Variants in GPR89A observed in about 807,000 individuals in gnomAD.
The protein encoded by GPR89A is G protein-coupled receptor 89A.
Under a neutral mutation model 52.0 loss-of-function variants are expected in GPR89A, and 16 were observed. The observed-to-expected ratio is 0.31, with a 90% CI of 0.21 to 0.47. GPR89A has a LOEUF of 0.47. Ranked by LOEUF, GPR89A falls within the 20% of genes least tolerant of loss-of-function variation. The pLI, the probability that GPR89A is intolerant of heterozygous loss-of-function variation, is 1.00. For synonymous variants in GPR89A, 55 were observed against 150.9 expected, an observed-to-expected ratio of 0.36 and a Z score of 4.66; for missense variants, 135 against 449.4, an observed-to-expected ratio of 0.30 and a Z score of 6.33.
chr1:145,657,248 CT>C (rs1335487460), intron 10 of GPR89A, among the ~76,000 whole-genome samples: 1 of 148,564 alleles, frequency 6.7e-6, no homozygotes, highest in Non-Finnish European at 1.5e-5. Context: ...TAAAAATTAA[CT>C]GAGTGTGGTG....
At chr1:145,608,281 C>G (rs1375051394) in intron 1 of GPR89A, 106 bp downstream of exon 1, 15 of 1,459,852 alleles carry the variant, frequency 1.0e-5, no homozygotes, top group Middle Eastern at 1.8e-4. Flanking sequence ...TCCTCTCTTA[C>G]GCGTCCTGCG....
intron 10 of GPR89A, among the ~76,000 whole-genome samples, chr1:145,655,912 AC>A (rs1164159109): frequency 1.3e-5 from 2 of 151,710 alleles, no homozygotes; most frequent in Admixed American, 1.3e-4. Flanking sequence ...AACCACGAAG[AC>A]GATAGTCACC....
chr1:145,659,480 C>T (rs587598257), intron 10 of GPR89A, among the ~76,000 whole-genome samples: 278 of 151,850 alleles, frequency 1.8e-3, no homozygotes, highest in Middle Eastern at 0.01. Flanking sequence ...CCACTGCGAC[C>T]GGCCTATGTT....
chr1:145,663,395 A>T lies in GPR89A; in HGVS notation c.976A>T (p.Thr326Ser), dbSNP rs1553695954. 4 of 1,610,488 alleles carry T rather than the reference A, an allele frequency of 2.5e-6. No homozygotes were observed. Among genetic ancestry groups the T allele is most frequent in the Non-Finnish European group, 3.4e-6 (4 of 1,179,060 alleles). ...TCCTGTCACAAGAGGCATTGAGATC[A>T]CTGTGAATTATCTGGGAATCCAATT... ...TDPVTRGIEI[T>S]VNYLGIQFDV... The change falls in exon 11 of 14, where the codon ACT becomes TCT. Residue 326 changes from threonine (T) to serine (S), a missense_variant. This residue lies in a region of GPR89A where 28 missense variants were observed against 61.6 expected (regional missense o/e 0.45). Transcript: ENST00000313835.
rs1156771060 is a variant in GPR89A at position 145,610,937 on chromosome 1, C to T, written c.42+2762C>T. On this transcript the variant is annotated intron_variant, in intron 1 of 13. Coordinates refer to ENST00000313835, the MANE Select transcript of GPR89A (RefSeq NM_001097612.2). ...AACTCATGTTTTGAGCCCTCTATACCGTCATAAGACTTATCAGTTCCAGAG... is the reference window on the plus strand; with the variant it reads ...AACTCATGTTTTGAGCCCTCTATACTGTCATAAGACTTATCAGTTCCAGAG... 7.2e-5 allele frequency among the ~76,000 whole-genome samples: 11 copies of T among 152,000 alleles called. No individual in the cohort carries two copies. The South Asian group carries it at 1.5e-3, about 20-fold the overall frequency.
At chr1:145,634,984 T>C (rs1457278744) in intron 7 of GPR89A, among the ~76,000 whole-genome samples, 2 of 152,186 alleles carry the variant, frequency 1.3e-5, no homozygotes, top group African/African-American at 4.8e-5. Flanking sequence ...AAAGTTATTA[T>C]TACCCATAAG....
At chr1:145,627,834 C>T (rs1649620567) in intron 5 of GPR89A, among the ~76,000 whole-genome samples, 1 of 151,120 alleles carries the variant, frequency 6.6e-6, no homozygotes, top group East Asian at 1.9e-4. Flanking sequence ...AAGGACAAGA[C>T]CAAAGGAAGA....
rs1559051841 is a variant in GPR89A at position 145,665,512 on chromosome 1, G to A, written c.1006-50G>A. The A allele has an allele frequency of 1.2e-5, 18 of 1,553,758 alleles. 1 individual carries two copies. The highest frequency in any genetic ancestry group is 4.5e-5 in the South Asian group (4 of 89,828). The stretch of plus-strand genomic sequence containing the variant: ...GATCGGGATATAGCTTAGCCCTTAC[G>A]TCTCTCTGAACAGAGATTTAGCAGA... On this transcript the variant is annotated intron_variant, in intron 11 of 13. Transcript: ENST00000313835.
chr1:145,608,352 G>A (rs756900703), intron 1 of GPR89A, 177 bp downstream of exon 1: 2 of 1,120,832 alleles, frequency 1.8e-6, no homozygotes, highest in Non-Finnish European at 2.6e-6. Context: ...CCTCAGCCCC[G>A]GCTGTCAGGA....
At chr1:145,654,573 A>C (rs12039398) in intron 10 of GPR89A, among the ~76,000 whole-genome samples, 1 of 148,006 alleles carries the variant, frequency 6.8e-6, no homozygotes. Flanking sequence ...AAAAAAAAAC[A>C]GAATGTTGAA....
At position 145,608,435 on chromosome 1, in the gene GPR89A, C is replaced by G. The variant is rs587673459; in HGVS notation, c.42+260C>G. ...ATTTCGGTCCACTTTTGGAAGCGGT[C>G]CGCCGACCTCCAGGCTAAGAGCCGG... is the stretch of plus-strand genomic sequence containing the variant. On this transcript the variant is annotated intron_variant, in intron 1 of 13. Transcript: ENST00000313835. The G allele has an allele frequency of 3.7e-4, 235 of 639,846 alleles. 1 individual carries two copies. In the African/African-American group the frequency reaches 4.1e-3, roughly 11 times the overall value. 39.6% of individuals were successfully genotyped at this position (639,846 alleles called of 1,614,324 possible).
At chr1:145,618,850 CTT>C (rs1648904863) in intron 3 of GPR89A, among the ~76,000 whole-genome samples, 1 of 136,242 alleles carries the variant, frequency 7.3e-6, no homozygotes, top group African/African-American at 2.8e-5. Context: ...TCTTACTTAA[CTT>C]AGTTATTTTT....
chr1:145,617,926 C>T (rs1307722581), intron 2 of GPR89A, among the ~76,000 whole-genome samples: 4 of 151,578 alleles, frequency 2.6e-5, no homozygotes, highest in Admixed American at 1.3e-4. Context: ...CTGCCCAATA[C>T]TTTAAGACCT....
intron 5 of GPR89A, among the ~76,000 whole-genome samples, chr1:145,628,218 T>C (rs587707733): frequency 6.6e-6 from 1 of 151,958 alleles, no homozygotes; most frequent in East Asian, 1.9e-4. Context: ...GCTGGGGAAA[T>C]TGGTGAGATC....
chr1:145,647,686 TC>T (rs1651098292), intron 10 of GPR89A, among the ~76,000 whole-genome samples: 1 of 150,684 alleles, frequency 6.6e-6, no homozygotes, highest in South Asian at 2.1e-4. Flanking sequence ...CCGCCTGTAA[TC>T]CCAGCTACTC....
At chr1:145,639,485 G>A (rs1553691329) in intron 7 of GPR89A, among the ~76,000 whole-genome samples, 1 of 151,980 alleles carries the variant, frequency 6.6e-6, no homozygotes, top group Non-Finnish European at 1.5e-5. Context: ...AGTGGCTCAC[G>A]TCTGTAATCC....
At chr1:145,617,813 C>T (rs1648830389) in intron 2 of GPR89A, among the ~76,000 whole-genome samples, 1 of 152,126 alleles carries the variant, frequency 6.6e-6, no homozygotes, top group South Asian at 2.1e-4. Flanking sequence ...GTAATAAGAT[C>T]AGTGGTTATA....
At position 145,608,148 on chromosome 1, in the gene GPR89A, C is replaced by A. The variant is rs372185359; in HGVS notation, c.15C>A (p.Ile5=). MSFL[I]DSSIMITSQI... Reference sequence around the variant, plus strand: ...TACACTTCGCCATGAGTTTCCTCATCGACTCCAGCATCATGATTACCTCCC... The same window carrying A: ...TACACTTCGCCATGAGTTTCCTCATAGACTCCAGCATCATGATTACCTCCC... The change falls in exon 1 of 14, where the codon ATC becomes ATA. Residue 5 remains isoleucine, a synonymous_variant. Transcript: ENST00000313835. The A allele has an allele frequency of 2.5e-6, 4 of 1,613,446 alleles. No homozygotes were observed. Among genetic ancestry groups the A allele is most frequent in the African/African-American group, 1.3e-5 (1 of 74,524 alleles).
At chr1:145,632,550 C>T (rs2262350) in intron 7 of GPR89A, among the ~76,000 whole-genome samples, 6 of 152,220 alleles carry the variant, frequency 3.9e-5, no homozygotes, top group South Asian at 4.1e-4. Context: ...TCTCCAGTTA[C>T]ATTCAAGTTG....
Sources: gnomAD v4.1 joint callset for allele counts (sites outside exome capture counted in the v4.1 genomes callset) on GRCh38, gnomAD v4.1.1 for gene constraint, gnomAD v4.1.1 regional missense constraint, MANE v1.5 for transcripts, NCBI Gene and HGNC (gene_info 2026-07-23, HGNC 2026-07-21) for gene names.